Variants in LAMP1 observed in about 807,000 individuals in gnomAD.
The protein encoded by LAMP1 is lysosome-associated membrane glycoprotein 1.
A neutral mutation model predicts 37.5 loss-of-function variants in LAMP1; 7 were observed. The ratio of observed to expected loss-of-function variants is 0.19; its 90% CI spans 0.11 to 0.35. LAMP1 has a LOEUF of 0.35. Among genes scored for constraint, LAMP1 ranks in the 10% least tolerant of loss-of-function variants. LAMP1 has a pLI of 1.00. For missense variants in LAMP1, 537 were observed against 552.8 expected, an observed-to-expected ratio of 0.97 and a Z score of 0.29; for synonymous variants, 236 against 229.1, an observed-to-expected ratio of 1.03 and a Z score of -0.27.
intron 5 of LAMP1, 40 bp downstream of exon 5, chr13:113,319,696 G>A: frequency 6.3e-7 from 1 of 1,584,708 alleles, no homozygotes; most frequent in Non-Finnish European, 8.6e-7. Context: ...GGACGGCACG[G>A]TAGGGCTGGA....
chr13:113,302,333 C>T (rs954343693), intron 1 of LAMP1, among the ~76,000 whole-genome samples: 2 of 152,016 alleles, frequency 1.3e-5, no homozygotes, highest in African/African-American at 2.4e-5. Context: ...TACAGGCATG[C>T]GCCACCATGC....
intron 2 of LAMP1, 95 bp from the exon 3 acceptor site, chr13:113,309,548 G>A: frequency 1.1e-6 from 1 of 922,708 alleles, no homozygotes; most frequent in South Asian, 1.7e-5. Flanking sequence ...TGGAAATGAA[G>A]TATAAGTTTA....
At chr13:113,302,078 G>C (rs936550121) in intron 1 of LAMP1, among the ~76,000 whole-genome samples, 2 of 151,572 alleles carry the variant, frequency 1.3e-5, no homozygotes, top group Non-Finnish European at 2.9e-5. Flanking sequence ...GGTCAGGCTG[G>C]TCTCAAACGC....
chr13:113,312,244 G>A (rs2042634474), intron 4 of LAMP1, among the ~76,000 whole-genome samples: 1 of 152,112 alleles, frequency 6.6e-6, no homozygotes. Context: ...AGCTAAGAAC[G>A]GCTTTTCGAT....
At chr13:113,301,314 CA>C (rs1214286439) in intron 1 of LAMP1, among the ~76,000 whole-genome samples, 2 of 151,264 alleles carry the variant, frequency 1.3e-5, no homozygotes, top group Admixed American at 6.6e-5. Flanking sequence ...AGTGTCTCTA[CA>C]AAAAAAATTA....
chr13:113,300,226 A>G (rs1280908590), intron 1 of LAMP1, among the ~76,000 whole-genome samples: 1 of 152,168 alleles, frequency 6.6e-6, no homozygotes, highest in Non-Finnish European at 1.5e-5. Flanking sequence ...CACGCCTGTA[A>G]TCTCAGCACT....
At chr13:113,310,358 T>C (rs2042623666) in intron 3 of LAMP1, among the ~76,000 whole-genome samples, 1 of 151,848 alleles carries the variant, frequency 6.6e-6, no homozygotes, top group Non-Finnish European at 1.5e-5. Context: ...AAACCCCCTC[T>C]CTACTAAAAA....
At chr13:113,311,651 T>G (rs1192586373) in intron 4 of LAMP1, among the ~76,000 whole-genome samples, 5 of 152,242 alleles carry the variant, frequency 3.3e-5, no homozygotes, top group African/African-American at 1.2e-4. Context: ...CGCCGGGCTC[T>G]GGGGTCAGGC....
intron 1 of LAMP1, among the ~76,000 whole-genome samples, chr13:113,299,655 G>A (rs145063911): frequency 2.7e-5 from 4 of 148,908 alleles, no homozygotes; most frequent in South Asian, 4.3e-4. Flanking sequence ...TGCAGCCTCC[G>A]CCTCTTGTGT....
chr13:113,321,713 G>T lies in LAMP1; in HGVS notation c.1100G>T (p.Gly367Val). The change falls in exon 8 of 9, where the codon GGC (glycine) becomes GTC (valine). Residue 367 changes from glycine to valine, a missense_variant. Transcript: ENST00000332556. This position sits in a 1 kb window ranked among gnomAD's most constrained non-coding sequence, Gnocchi z 5.6. ...GTCCAGGCTTTCAAGGTGGAAGGTGGCCAGTTTGGCTCTGGTGAGTGTCAC... is the reference window on the plus strand; with the variant it reads ...GTCCAGGCTTTCAAGGTGGAAGGTGTCCAGTTTGGCTCTGGTGAGTGTCAC... Reference protein sequence around the residue: ...VWVQAFKVEGGQFGSVEECLL... With the variant: ...VWVQAFKVEGVQFGSVEECLL... 1 of 1,614,004 alleles carries T rather than the reference G, an allele frequency of 6.2e-7. No homozygotes were observed. The highest frequency in any genetic ancestry group is 8.5e-7 in the Non-Finnish European group (1 of 1,180,034).
At chr13:113,304,932 A>G (rs984509088) in intron 1 of LAMP1, 1 of 152,256 alleles carries the variant, frequency 6.6e-6, no homozygotes, top group Non-Finnish European at 1.5e-5. Flanking sequence ...TGCTGGGATT[A>G]CAGGCGTGAG....
intron 4 of LAMP1, among the ~76,000 whole-genome samples, chr13:113,312,782 C>T (rs2042637405): frequency 6.6e-6 from 1 of 152,210 alleles, no homozygotes; most frequent in Non-Finnish European, 1.5e-5. Flanking sequence ...TGAGGACGGA[C>T]GCCTGGCAGC....
chr13:113,308,990 G>T (rs1471260557), intron 2 of LAMP1, among the ~76,000 whole-genome samples: 1 of 152,176 alleles, frequency 6.6e-6, no homozygotes, highest in African/African-American at 2.4e-5. Flanking sequence ...TAAAAAAGTA[G>T]TGATAGCTTT....
chr13:113,318,500 C>T (rs1425863560), intron 4 of LAMP1, among the ~76,000 whole-genome samples: 1 of 152,118 alleles, frequency 6.6e-6, no homozygotes, highest in Non-Finnish European at 1.5e-5. Flanking sequence ...AAGAAAGAAC[C>T]TGATTTCAAG....
In LAMP1 at chr13:113,322,363, T is replaced by A; in HGVS notation, c.1196T>A (p.Val399Asp). 1 of 1,613,708 alleles carries A rather than the reference T, an allele frequency of 6.2e-7. No individual in the cohort carries two copies. Residue 399 changes from valine (V) to aspartate (D), a missense_variant, in exon 9 of 9, where the codon GTC becomes GAC. Val to Asp is a radical substitution (Grantham distance 152). Transcript: ENST00000332556. Reference sequence around the variant, plus strand: ...GCCCTGGCGGGGCTGGTCCTCATCGTCCTCATCGCCTACCTCGTCGGCAGG... The same window carrying A: ...GCCCTGGCGGGGCTGGTCCTCATCGACCTCATCGCCTACCTCGTCGGCAGG... ...GGALAGLVLI[V>D]LIAYLVGRKR... is the part of the protein sequence containing the mutation.
chr13:113,309,330 G>A (rs981839118), intron 2 of LAMP1, among the ~76,000 whole-genome samples: 1 of 152,042 alleles, frequency 6.6e-6, no homozygotes, highest in African/African-American at 2.4e-5. Flanking sequence ...TGAACTCCTG[G>A]GCTCAAGCAA....
intron 1 of LAMP1, among the ~76,000 whole-genome samples, chr13:113,300,069 T>C (rs1010411563): frequency 1.3e-5 from 2 of 152,214 alleles, no homozygotes; most frequent in Non-Finnish European, 2.9e-5. Flanking sequence ...AACTGAAACT[T>C]GTCCTGATAG....
intron 4 of LAMP1, among the ~76,000 whole-genome samples, chr13:113,312,089 C>G (rs1198876390): frequency 6.6e-6 from 1 of 152,160 alleles, no homozygotes; most frequent in East Asian, 1.9e-4. Flanking sequence ...CCTCAGCAGT[C>G]TTGCTTAAAG....
At position 113,319,509 on chromosome 13, in the gene LAMP1, G is replaced by T; in HGVS notation, c.603G>T (p.Ala201=). 6.2e-7 allele frequency: 1 copy of T among 1,613,554 alleles called. No individual in the cohort carries two copies. Among genetic ancestry groups the T allele is most frequent in the South Asian group, 1.1e-5 (1 of 91,026 alleles). The change falls in exon 5 of 9, where the codon GCG becomes GCT. Residue 201 remains alanine, a synonymous_variant. Coordinates refer to ENST00000332556, the MANE Select transcript of LAMP1 (RefSeq NM_005561.4). ...AAGACAGGCCTTCCCCAACCACAGC[G>T]CCCCCTGCGCCACCCAGCCCCTCGC... ...CEQDRPSPTT[A]PPAPPSPSPS...
Sources: allele counts gnomAD v4.1 joint callset (sites outside exome capture counted in the v4.1 genomes callset), GRCh38; gene constraint gnomAD v4.1.1; non-coding constraint Gnocchi (gnomAD v3.1); transcripts MANE v1.5; gene names NCBI Gene and HGNC (gene_info 2026-07-23, HGNC 2026-07-21).